The following KCND3 variants were observed in gnomAD, a reference collection of about 807,000 sequenced individuals.
The protein encoded by KCND3 is potassium voltage-gated channel subfamily D member 3, also known as A-type voltage-gated potassium channel KCND3.
KCND3 carries 9 observed loss-of-function variants against 51.1 expected under a neutral mutation model. The ratio of observed to expected loss-of-function variants is 0.18; its 90% CI spans 0.11 to 0.31. The LOEUF (loss-of-function observed/expected upper bound fraction) is 0.31. Ranked by LOEUF, KCND3 falls within the 10% of genes least tolerant of loss-of-function variation. The probability of loss-of-function intolerance (pLI) is 1.00; values close to 1 mark genes in which losing one functional copy is unlikely to be tolerated. For missense variants in KCND3, 526 were observed against 903.8 expected (o/e 0.58, Z 5.36); for synonymous variants, 349 against 368.0 (o/e 0.95, Z 0.59).
At chr1:111,827,112 A>T (rs1367864641) in intron 2 of KCND3, among the ~76,000 whole-genome samples, 2 of 152,244 alleles carry the variant, frequency 1.3e-5, no homozygotes, top group Non-Finnish European at 2.9e-5. Flanking sequence ...CTTAGCCTGT[A>T]TGATTATTTC....
intron 2 of KCND3, among the ~76,000 whole-genome samples, chr1:111,951,221 C>T (rs1457647037): frequency 1.3e-5 from 2 of 148,326 alleles, no homozygotes; most frequent in Non-Finnish European, 3.0e-5. Flanking sequence ...TTATTGAGCA[C>T]CTACTATGTA....
chr1:111,788,646 C>T (rs1386310609), intron 2 of KCND3, among the ~76,000 whole-genome samples: 6 of 152,200 alleles, frequency 3.9e-5, no homozygotes, highest in Non-Finnish European at 8.8e-5. Context: ...AAGGCCTGTG[C>T]TAGAGCCTTC....
At chr1:111,925,430 C>T (rs1671656976) in intron 2 of KCND3, among the ~76,000 whole-genome samples, 1 of 152,222 alleles carries the variant, frequency 6.6e-6, no homozygotes, top group South Asian at 2.1e-4. Context: ...GCATCATTCT[C>T]ACTTGAATTC....
At chr1:111,823,404 G>A (rs972787998) in intron 2 of KCND3, among the ~76,000 whole-genome samples, 1 of 152,058 alleles carries the variant, frequency 6.6e-6, no homozygotes, top group Non-Finnish European at 1.5e-5. Flanking sequence ...ACATAACATA[G>A]CCTGACACAT....
chr1:111,880,544 T>C (rs917110602), intron 2 of KCND3, among the ~76,000 whole-genome samples: 4 of 152,182 alleles, frequency 2.6e-5, no homozygotes, highest in Non-Finnish European at 5.9e-5. Context: ...GCACTCCAAA[T>C]GGCAACAAAT....
In KCND3 at chr1:111,929,128, C is replaced by T. The variant is rs376381078; in HGVS notation, c.1106+52493G>A. On this transcript the variant is annotated intron_variant, in intron 2 of 7. Coordinates refer to ENST00000302127, the MANE Select transcript of KCND3 (RefSeq NM_001378969.1). ...AATAATTCCAAGAGGGAACTGAGAA[C>T]CCTAAGGAGAAATCAGGTATTCTCA... 1.8e-4 allele frequency among the ~76,000 whole-genome samples: 28 copies of T among 152,298 alleles called. No individual in the cohort carries two copies. In the East Asian group the frequency reaches 3.9e-3, roughly 21 times the overall value.
chr1:111,805,195 A>G (rs970556164), intron 2 of KCND3, among the ~76,000 whole-genome samples: 32 of 152,070 alleles, frequency 2.1e-4, no homozygotes, highest in African/African-American at 7.5e-4. Flanking sequence ...ACAGACTATT[A>G]GTCTCAATGG....
intron 2 of KCND3, among the ~76,000 whole-genome samples, chr1:111,940,742 G>A (rs939143722): frequency 4.6e-5 from 7 of 152,150 alleles, no homozygotes; most frequent in Non-Finnish European, 8.8e-5. Context: ...ATCATCTGGG[G>A]AGAAGTAAAA....
intron 2 of KCND3, among the ~76,000 whole-genome samples, chr1:111,866,263 C>CTTTTTTTTT (rs11399761): frequency 7.4e-5 from 4 of 54,222 alleles, no homozygotes; most frequent in Admixed American, 2.0e-4. Flanking sequence ...CTTTTCTTTT[C>CTTTTTTTTT]TTTTTTTTTT....
At chr1:111,832,021 G>GA (rs1666854389) in intron 2 of KCND3, among the ~76,000 whole-genome samples, 1 of 152,170 alleles carries the variant, frequency 6.6e-6, no homozygotes, top group East Asian at 1.9e-4. Flanking sequence ...TCAATGGGGG[G>GA]AATATACTGC....
chr1:111,958,576 G>A (rs1203535170), intron 2 of KCND3, among the ~76,000 whole-genome samples: 5 of 152,218 alleles, frequency 3.3e-5, no homozygotes, highest in East Asian at 1.9e-4. Flanking sequence ...AAAACACATC[G>A]CCATTTAACC....
intron 2 of KCND3, among the ~76,000 whole-genome samples, chr1:111,930,788 T>C (rs572434715): frequency 6.6e-6 from 1 of 152,334 alleles, no homozygotes; most frequent in Admixed American, 6.5e-5. Context: ...GTTTCTATCT[T>C]CATTATAAGG....
chr1:111,972,033 A>C (rs1038289872), intron 2 of KCND3, among the ~76,000 whole-genome samples: 9 of 152,216 alleles, frequency 5.9e-5, no homozygotes, highest in African/African-American at 2.2e-4. Context: ...CTTCCTGATC[A>C]ATACACACTG....
At chr1:111,972,484 T>A (rs1484082170) in intron 2 of KCND3, among the ~76,000 whole-genome samples, 1 of 152,202 alleles carries the variant, frequency 6.6e-6, no homozygotes, top group African/African-American at 2.4e-5. Context: ...TATTTGTATA[T>A]CTTAAACACT....
chr1:111,942,355 A>G (rs569693852), intron 2 of KCND3, among the ~76,000 whole-genome samples: 81 of 152,286 alleles, frequency 5.3e-4, no homozygotes, highest in Non-Finnish European at 1.3e-4. Context: ...CAAATAGGAA[A>G]AACATCTAGT....
At chr1:111,896,797 A>G (rs1670133916) in intron 2 of KCND3, among the ~76,000 whole-genome samples, 1 of 152,198 alleles carries the variant, frequency 6.6e-6, no homozygotes, top group South Asian at 2.1e-4. Context: ...GGGTCCAAAT[A>G]CTGGCTCCTT....
chr1:111,938,035 C>T (rs973871078), intron 2 of KCND3, among the ~76,000 whole-genome samples: 1 of 152,256 alleles, frequency 6.6e-6, no homozygotes, highest in Admixed American at 6.5e-5. Flanking sequence ...AACCTGACTT[C>T]TCGACATTTC....
intron 2 of KCND3, among the ~76,000 whole-genome samples, chr1:111,883,674 C>A (rs111508273): frequency 0.011 from 1,615 of 152,264 alleles, 28 homozygotes; most frequent in African/African-American, 0.037. Context: ...TCCTGATGGC[C>A]CCAAATTCAG....
intron 2 of KCND3, among the ~76,000 whole-genome samples, chr1:111,793,004 G>C (rs1664903454): frequency 6.6e-6 from 1 of 150,892 alleles, no homozygotes; most frequent in Non-Finnish European, 1.5e-5. Flanking sequence ...TGAGTAGCAA[G>C]GACTGCACGT....
Sources: gnomAD v4.1 joint callset for allele counts (sites outside exome capture counted in the v4.1 genomes callset) on GRCh38, gnomAD v4.1.1 for gene constraint, MANE v1.5 for transcripts, NCBI Gene and HGNC (gene_info 2026-07-23, HGNC 2026-07-21) for gene names.